Variants in MYH8 observed in about 807,000 individuals in gnomAD.
MYH8 encodes the protein myosin heavy chain 8.
A neutral mutation model predicts 233.2 loss-of-function variants in MYH8; 168 were observed. The observed-to-expected ratio is 0.72, with a 90% CI of 0.64 to 0.82. MYH8 has a LOEUF of 0.82. MYH8 is among the 40% of genes least tolerant of loss of function. The probability of loss-of-function intolerance (pLI) is 0.00; values close to 1 mark genes in which losing one functional copy is unlikely to be tolerated. For missense variants in MYH8, 1,995 were observed against 2,327.8 expected, an observed-to-expected ratio of 0.86 and a Z score of 2.94; for synonymous variants, 785 against 850.6, an observed-to-expected ratio of 0.92 and a Z score of 1.34.
In MYH8 at chr17:10,400,775, C is replaced by A. The variant is rs1387251939; in HGVS notation, c.3350G>T (p.Arg1117Leu). 1.2e-6 allele frequency: 2 copies of A among 1,614,074 alleles called. No individual in the cohort carries two copies. Among genetic ancestry groups the A allele is most frequent in the East Asian group, 2.2e-5 (1 of 44,880 alleles). ...GATTTCTTCCCCCAGCTCCTCAATG[C>A]GGGCCTGGGAATGAAAGAAGCACAT... Reference protein sequence around the residue: ...LQKKIKELQARIEELGEEIEA... With the variant: ...LQKKIKELQALIEELGEEIEA... Residue 1117 changes from arginine (R) to leucine (L), a missense_variant, in exon 27 of 40, where the codon CGC (arginine) becomes CTC (leucine). Arg to Leu is a moderately radical substitution (Grantham distance 102, BLOSUM62 -2). This residue lies in a region of MYH8 where 1,498 missense variants were observed against 1,680.9 expected (regional missense o/e 0.89). Transcript: ENST00000403437. The surrounding 1 kb of genome is among the most constrained non-coding windows in gnomAD (Gnocchi z 4.0).
Position 10,415,350 on chromosome 17 carries a change from G to A in MYH8, c.683C>T (p.Pro228Leu). The A allele has an allele frequency of 4.3e-6, 7 of 1,614,176 alleles. No individual in the cohort carries two copies. The highest frequency in any genetic ancestry group is 5.9e-6 in the Non-Finnish European group (7 of 1,180,014). Reference sequence around the variant, plus strand: ...GGCATTGCCAAAGGCCTCCAGTAGGGGATTGGCGCTGATGATTTGATCTTC... The same window carrying A: ...GGCATTGCCAAAGGCCTCCAGTAGGAGATTGGCGCTGATGATTTGATCTTC... ...TLEDQIISAN[P>L]LLEAFGNAKT... The change falls in exon 8 of 40, where the codon CCC becomes CTC. Residue 228 changes from proline to leucine, a missense_variant. By Grantham distance (98) the Pro-to-Leu change is moderately conservative (BLOSUM62 -3). Transcript: ENST00000403437. The surrounding 1 kb of genome is among the most constrained non-coding windows in gnomAD (Gnocchi z 4.1).
At chr17:10,397,369 C>T (rs1195389973) in intron 30 of MYH8, among the ~76,000 whole-genome samples, 1 of 152,200 alleles carries the variant, frequency 6.6e-6, no homozygotes, top group Non-Finnish European at 1.5e-5. Context: ...GCTGGGATTA[C>T]AGGTGTGAGC....
intron 23 of MYH8, 28 bp downstream of exon 23, chr17:10,401,515 A>G (rs1204082802): frequency 6.2e-7 from 1 of 1,614,170 alleles, no homozygotes; most frequent in Non-Finnish European, 8.5e-7. Flanking sequence ...CAGAACCTCT[A>G]TACAGTATTG....
intron 28 of MYH8, 108 bp from the exon 29 acceptor site, chr17:10,398,994 G>GTGTATATATATA (rs1555555758): frequency 1.2e-4 from 36 of 312,716 alleles, no homozygotes; most frequent in African/African-American, 7.6e-4. Flanking sequence ...ATGTGTGTGT[G>GTGTATATATATA]TATATATATA....
chr17:10,408,923 T>A (rs569647571), intron 17 of MYH8, among the ~76,000 whole-genome samples, 174 bp downstream of exon 17: 30 of 152,348 alleles, frequency 2.0e-4, no homozygotes, highest in African/African-American at 7.0e-4. Flanking sequence ...TAAGGAATAA[T>A]GGGTAAAGCA....
chr17:10,404,976 T>C (rs2072179500), intron 21 of MYH8, among the ~76,000 whole-genome samples: 1 of 152,188 alleles, frequency 6.6e-6, no homozygotes, highest in South Asian at 2.1e-4. Context: ...TGATTGCATG[T>C]TGATTGTGCT....
Position 10,401,751 on chromosome 17 carries a change from C to A in MYH8, c.2723G>T (p.Cys908Phe). 7.4e-6 allele frequency: 12 copies of A among 1,614,202 alleles called. No individual in the cohort carries two copies. Among genetic ancestry groups the A allele is most frequent in the Non-Finnish European group, 1.0e-5 (12 of 1,180,032 alleles). ...ADSLADAEER[C>F]EQLIKNKIQL... ...GATTTTGTTTTTAATCAGTTGCTCA[C>A]ACCTTTCCTCTGCATCAGCCAAGCT... Residue 908 changes from cysteine to phenylalanine, a missense_variant, in exon 23 of 40, where the codon TGT becomes TTT. Cys to Phe is a radical substitution (Grantham distance 205). Coordinates refer to ENST00000403437, the MANE Select transcript of MYH8 (RefSeq NM_002472.3).
At position 10,392,590 on chromosome 17, in the gene MYH8, AAC is replaced by A; in HGVS notation, c.5518_5519del (p.Val1840Ter). On this transcript the variant is annotated frameshift_variant, in exon 38 of 40. Transcript: ENST00000403437. LOFTEE classifies it high-confidence loss of function. ...ENEQKRNAEA[V>X]KGLRKHERRV... ...GTCGCTCATGTTTCCGTAAACCTTT[AAC>A]AGCCTCTGCATTACGTTTCTGTTCA... The A allele has an allele frequency of 1.2e-6, 2 of 1,614,156 alleles. No homozygotes were observed. The highest frequency in any genetic ancestry group is 1.7e-6 in the Non-Finnish European group (2 of 1,180,012).
chr17:10,419,924 A>T lies in MYH8; in HGVS notation c.210+94T>A, dbSNP rs561738689. 7.3e-7 allele frequency: 1 copy of T among 1,366,080 alleles called. No homozygotes were observed. The highest frequency in any genetic ancestry group is 1.4e-5 in the African/African-American group (1 of 69,810). 84.6% of individuals were successfully genotyped at this position (1,366,080 alleles called of 1,614,324 possible). A position where few individuals can be genotyped will look rare whatever the true frequency, so the allele number is the denominator to read the frequency against. On this transcript the variant is annotated intron_variant, in intron 3 of 39. Coordinates refer to ENST00000403437, the MANE Select transcript of MYH8 (RefSeq NM_002472.3). The surrounding 1 kb of genome is among the most constrained non-coding windows in gnomAD (Gnocchi z 4.0). ...CAACACTGACTAGAAGGGTGTTTGC[A>T]TTGGCAACAGGCTTGGAGATTCCCA...
intron 35 of MYH8, among the ~76,000 whole-genome samples, chr17:10,393,661 A>G (rs2072050277): frequency 6.6e-6 from 1 of 152,212 alleles, no homozygotes; most frequent in Admixed American, 6.5e-5. Flanking sequence ...CATGTTCTTA[A>G]GATTTCAACT....
chr17:10,400,617 G>C lies in MYH8; in HGVS notation c.3508C>G (p.Arg1170Gly). 1.2e-6 allele frequency: 2 copies of C among 1,614,146 alleles called. No homozygotes were observed. Among genetic ancestry groups the C allele is most frequent in the South Asian group, 1.1e-5 (1 of 91,074 alleles). The change falls in exon 27 of 40, where the codon CGG becomes GGG. Residue 1170 changes from arginine to glycine, a missense_variant. Arg to Gly is a moderately radical substitution (Grantham distance 125, BLOSUM62 -2). Around this residue, in one of 3 missense-constraint regions of MYH8, gnomAD observed 1,498 missense variants for 1,680.9 expected, o/e 0.89. Coordinates refer to ENST00000403437, the MANE Select transcript of MYH8 (RefSeq NM_002472.3). The surrounding 1 kb of genome is among the most constrained non-coding windows in gnomAD (Gnocchi z 4.0). ...CGCAGTTTCTGAAACTCAGCCTCCC[G>C]CTTCTTGTTCAATTCCACCTGAGCA... ...TSAQVELNKKREAEFQKLRRD... is the reference protein window; with the variant it reads ...TSAQVELNKKGEAEFQKLRRD...
Position 10,394,143 on chromosome 17 carries a change from A to C in MYH8, c.5166+106T>G, listed in dbSNP as rs2072057501. Reference sequence around the variant, plus strand: ...ATGAGTATTTTTGAGCATATCCCCCATCCATGTTTACATACACATATTTAT... The same window carrying C: ...ATGAGTATTTTTGAGCATATCCCCCCTCCATGTTTACATACACATATTTAT... On this transcript the variant is annotated intron_variant, in intron 35 of 39. Coordinates refer to ENST00000403437, the MANE Select transcript of MYH8 (RefSeq NM_002472.3). 4 of 1,422,664 alleles carry C rather than the reference A, an allele frequency of 2.8e-6. 1 individual carries two copies. The highest frequency in any genetic ancestry group is 2.9e-6 in the Non-Finnish European group (3 of 1,017,956). The allele number at this position is 1,422,664 out of a possible 1,614,324, so 88.1% of individuals were successfully genotyped here. A position where few individuals can be genotyped will look rare whatever the true frequency, so the allele number is the denominator to read the frequency against.
chr17:10,392,507 G>C, intron 38 of MYH8, 35 bp downstream of exon 38: 2 of 1,567,186 alleles, frequency 1.3e-6, no homozygotes, highest in Non-Finnish European at 1.8e-6. Context: ...TTCTGGGCAG[G>C]AAGAGTGGAT....
chr17:10,402,626 T>C (rs1455181563), intron 22 of MYH8, among the ~76,000 whole-genome samples: 2 of 149,722 alleles, frequency 1.3e-5, no homozygotes, highest in Admixed American at 1.4e-4. Flanking sequence ...TAGGCACATG[T>C]GCACGCACAC....
rs1226596156 is a variant in MYH8, at chr17:10,396,167, T to A, written c.4653+163A>T. Among the ~76,000 whole-genome samples, 1 of 152,142 alleles carries A rather than the reference T, an allele frequency of 6.6e-6. No homozygotes were observed. Among genetic ancestry groups the A allele is most frequent in the African/African-American group, 2.4e-5 (1 of 41,394 alleles). Reference sequence around the variant, plus strand: ...CTTTTGGGTGATAAAATCTTAGAAATAGAATTGATAGGTCAGAGTATTTAC... The same window carrying A: ...CTTTTGGGTGATAAAATCTTAGAAAAAGAATTGATAGGTCAGAGTATTTAC... On this transcript the variant is annotated intron_variant, in intron 33 of 39. Transcript: ENST00000403437. This position sits in a 1 kb window ranked among gnomAD's most constrained non-coding sequence, Gnocchi z 4.2.
rs1200423089 is a variant in MYH8 at position 10,392,657 on chromosome 17, G to GAAAAATACTT, written c.5464-21_5464-12dup. 1 of 1,613,942 alleles carries GAAAAATACTT rather than the reference G, an allele frequency of 6.2e-7. No individual in the cohort carries two copies. Among genetic ancestry groups the GAAAAATACTT allele is most frequent in the African/African-American group, 1.3e-5 (1 of 74,902 alleles). ...TTCAAGCTCACGTACCTGCAGCCAA[G>GAAAAATACTT]AAAAATACTTACGCAGTCAGTCTTG... On this transcript the variant is annotated splice_polypyrimidine_tract_variant and intron_variant, in intron 37 of 39. Transcript: ENST00000403437.
intron 15 of MYH8, 152 bp downstream of exon 15, chr17:10,410,625 G>A: frequency 8.0e-7 from 1 of 1,242,560 alleles, no homozygotes; most frequent in Non-Finnish European, 1.2e-6. Context: ...TTCTTATGTA[G>A]AAGTTAAAAA....
intron 15 of MYH8, 119 bp from the exon 16 acceptor site, chr17:10,409,707 A>G: frequency 7.3e-7 from 1 of 1,368,040 alleles, no homozygotes; most frequent in Non-Finnish European, 1.0e-6. Context: ...GAAATAAACC[A>G]GGGTCACAGC....
chr17:10,398,994 GTA>G (rs71365759), intron 28 of MYH8, 108 bp from the exon 29 acceptor site: 14,018 of 310,188 alleles, frequency 0.045, 161 homozygotes, highest in African/African-American at 0.082. Context: ...ATGTGTGTGT[GTA>G]TATATATATA....
Sources: allele counts gnomAD v4.1 joint callset (sites outside exome capture counted in the v4.1 genomes callset), GRCh38; gene constraint gnomAD v4.1.1; regional missense constraint gnomAD v4.1.1; non-coding constraint Gnocchi (gnomAD v3.1); transcripts MANE v1.5; gene names NCBI Gene and HGNC (gene_info 2026-07-23, HGNC 2026-07-21).